Variants in MTAP observed in about 807,000 individuals in gnomAD.
MTAP encodes the protein S-methyl-5'-thioadenosine phosphorylase.
Under a neutral mutation model 33.6 loss-of-function variants are expected in MTAP, and 33 were observed. The ratio of observed to expected loss-of-function variants is 0.98; its 90% CI spans 0.74 to 1.31. The LOEUF (loss-of-function observed/expected upper bound fraction) is 1.31, where lower values mean the gene tolerates loss of function less well. Among genes scored for constraint, MTAP ranks in the 40% most tolerant of loss-of-function variants. The pLI is 0.00. For synonymous variants in MTAP, 148 were observed against 125.7 expected (o/e 1.18, Z -1.19); for missense variants, 367 against 360.0 (o/e 1.02, Z -0.16).
At chr9:21,894,672 C>T (rs1166022567) in intron 1 of MTAP, among the ~76,000 whole-genome samples, 1 of 151,630 alleles carries the variant, frequency 6.6e-6, no homozygotes, top group Non-Finnish European at 1.5e-5. Flanking sequence ...GTGCAGCACA[C>T]CAATATGGCA....
rs1176058865 is a variant in MTAP, at chr9:21,802,656, C to G, written c.-93C>G. 3.5e-6 allele frequency: 5 copies of G among 1,419,260 alleles called. No individual in the cohort carries two copies. In the Admixed American group the frequency reaches 7.1e-5, roughly 20 times the overall value. The allele number at this position is 1,419,260 out of a possible 1,614,324, so 87.9% of individuals were successfully genotyped here. A position where few individuals can be genotyped will look rare whatever the true frequency, so the allele number is the denominator to read the frequency against. Reference sequence around the variant, plus strand: ...CTGGTCTCCGCACTGCTCACTCCCGCGCAGTGAGGTTGGCACAGCCACCGC... The same window carrying G: ...CTGGTCTCCGCACTGCTCACTCCCGGGCAGTGAGGTTGGCACAGCCACCGC... On this transcript the variant is annotated 5_prime_UTR_variant, in exon 1 of 8. Coordinates refer to ENST00000644715, the MANE Select transcript of MTAP (RefSeq NM_002451.4).
intron 6 of MTAP, 185 bp from the exon 7 acceptor site, chr9:21,859,118 C>T (rs1825698438): frequency 1.5e-6 from 1 of 675,842 alleles, no homozygotes; most frequent in Non-Finnish European, 2.4e-6. Context: ...ACTCTGCCTT[C>T]ATGACCTAAT....
chr9:21,859,251 C>T (rs1171632946), intron 6 of MTAP, 52 bp from the exon 7 acceptor site: 1 of 1,560,706 alleles, frequency 6.4e-7, no homozygotes, highest in Non-Finnish European at 8.6e-7. Flanking sequence ...TGTTTTATGA[C>T]AAGCAGTGGA....
At chr9:21,823,229 G>A (rs1231377445) in intron 4 of MTAP, among the ~76,000 whole-genome samples, 3 of 152,174 alleles carry the variant, frequency 2.0e-5, no homozygotes, top group African/African-American at 7.2e-5. Context: ...AGCATCGATG[G>A]TCTTTATATT....
chr9:21,928,647 C>T (rs1818906859), intron 1 of MTAP, among the ~76,000 whole-genome samples: 1 of 152,082 alleles, frequency 6.6e-6, no homozygotes, highest in African/African-American at 2.4e-5. Flanking sequence ...TAGTAATGCC[C>T]TAGGCATGAA....
intron 7 of MTAP, 101 bp from the exon 8 acceptor site, chr9:21,861,875 C>T (rs1451924185): frequency 3.7e-6 from 3 of 812,776 alleles, no homozygotes; most frequent in African/African-American, 1.7e-5. Flanking sequence ...TTCCTGCGTC[C>T]TCACTTTGAT....
At chr9:21,933,510 A>G (rs1045392850), downstream of MTAP, 2 of 152,232 alleles carry the variant, frequency 1.3e-5, no homozygotes, top group East Asian at 1.9e-4. Flanking sequence ...CCTGAGGGTT[A>G]TCTCTTTGAT....
intron 4 of MTAP, 89 bp from the exon 5 acceptor site, chr9:21,837,811 ATATTGACC>A: frequency 1.1e-6 from 1 of 898,144 alleles, no homozygotes; most frequent in South Asian, 1.5e-5. Flanking sequence ...AAAGACCCAA[ATATTGACC>A]TAGATAAAGT....
chr9:21,909,350 T>G (rs563015052), intron 1 of MTAP, among the ~76,000 whole-genome samples: 2 of 152,090 alleles, frequency 1.3e-5, no homozygotes, highest in Non-Finnish European at 2.9e-5. Flanking sequence ...TGTTAAGGAA[T>G]AAGAGAAATA....
downstream of MTAP, chr9:21,934,691 A>G (rs1819014480): frequency 6.6e-6 from 1 of 151,630 alleles, no homozygotes; most frequent in African/African-American, 2.4e-5. This position sits in a 1 kb window ranked among gnomAD's most constrained non-coding sequence, Gnocchi z 5.0. Context: ...AAAAACAAGT[A>G]TTTAACTTTT....
At chr9:21,839,085 C>G (rs1825180000) in intron 5 of MTAP, among the ~76,000 whole-genome samples, 1 of 151,808 alleles carries the variant, frequency 6.6e-6, no homozygotes, top group South Asian at 2.1e-4. Flanking sequence ...AATTTGGAAT[C>G]TAAAACCGAG....
intron 5 of MTAP, among the ~76,000 whole-genome samples, chr9:21,850,115 T>C (rs1359685887): frequency 6.6e-6 from 1 of 152,236 alleles, no homozygotes; most frequent in Non-Finnish European, 1.5e-5. Flanking sequence ...GACAGTACGC[T>C]GATTGGATCC....
chr9:21,819,861 T>G (rs1416301656), intron 4 of MTAP, among the ~76,000 whole-genome samples: 1 of 152,198 alleles, frequency 6.6e-6, no homozygotes, highest in East Asian at 1.9e-4. Flanking sequence ...TATCTCATTG[T>G]GGTTTTGATT....
chr9:21,910,772 A>G (rs1334277214), intron 1 of MTAP, among the ~76,000 whole-genome samples: 1 of 152,164 alleles, frequency 6.6e-6, no homozygotes, highest in African/African-American at 2.4e-5. Context: ...TGCTACCAGT[A>G]TCACAGTCCA....
chr9:21,827,298 T>G (rs749760957), intron 4 of MTAP, among the ~76,000 whole-genome samples: 3 of 152,178 alleles, frequency 2.0e-5, no homozygotes, highest in Non-Finnish European at 4.4e-5. Flanking sequence ...TCCCATCAGT[T>G]ATCTCTGAGC....
intron 4 of MTAP, among the ~76,000 whole-genome samples, chr9:21,822,022 T>C (rs1464586184): frequency 1.3e-5 from 2 of 152,216 alleles, no homozygotes; most frequent in Non-Finnish European, 2.9e-5. Flanking sequence ...TTCTCTCTTT[T>C]CTTCTTTATT....
intron 1 of MTAP, among the ~76,000 whole-genome samples, chr9:21,916,620 G>A (rs531773789): frequency 3.2e-4 from 49 of 152,012 alleles, no homozygotes; most frequent in African/African-American, 1.2e-3. Flanking sequence ...AAAAAGGAAT[G>A]AGACATCTGG....
intron 1 of MTAP, among the ~76,000 whole-genome samples, chr9:21,921,140 G>A (rs1423159347): frequency 6.6e-6 from 1 of 151,916 alleles, no homozygotes; most frequent in Non-Finnish European, 1.5e-5. Context: ...TATGTGTTCA[G>A]TAATTTATCA....
At chr9:21,869,229 C>T (rs1825899222), downstream of MTAP, among the ~76,000 whole-genome samples, 1 of 152,102 alleles carries the variant, frequency 6.6e-6, no homozygotes, top group Non-Finnish European at 1.5e-5. Flanking sequence ...TCCTCTTCTC[C>T]AGTCTTTCCT....
Sources: allele counts gnomAD v4.1 joint callset (sites outside exome capture counted in the v4.1 genomes callset), GRCh38; gene constraint gnomAD v4.1.1; non-coding constraint Gnocchi (gnomAD v3.1); transcripts MANE v1.5; gene names NCBI Gene and HGNC (gene_info 2026-07-23, HGNC 2026-07-21).